The following MGAT4C variants were observed in gnomAD, a reference collection of about 807,000 sequenced individuals.
MGAT4C encodes the protein MGAT4 family member C.
A neutral mutation model predicts 40.1 loss-of-function variants in MGAT4C; 19 were observed. That is an observed-to-expected ratio of 0.47 (90% confidence interval 0.33 to 0.70). The LOEUF (loss-of-function observed/expected upper bound fraction) is 0.70. Ranked by LOEUF, MGAT4C falls within the 30% of genes least tolerant of loss-of-function variation. MGAT4C has a pLI of 0.02. For synonymous variants in MGAT4C, 181 were observed against 187.1 expected (o/e 0.97, Z 0.27); for missense variants, 491 against 563.2 (o/e 0.87, Z 1.30).
At chr12:86,584,150 T>C (rs1014085285) in intron 2 of MGAT4C, among the ~76,000 whole-genome samples, 11 of 150,880 alleles carry the variant, frequency 7.3e-5, no homozygotes, top group Admixed American at 2.0e-4. Context: ...TATCCACATA[T>C]ACATTGAGTG....
chr12:86,106,755 G>C (rs1876255166), intron 1 of MGAT4C, among the ~76,000 whole-genome samples: 1 of 151,716 alleles, frequency 6.6e-6, no homozygotes, highest in African/African-American at 2.4e-5. Flanking sequence ...CAAATTTACT[G>C]TCATTTCAAT....
chr12:86,723,315 T>C (rs1421780663), intron 2 of MGAT4C, among the ~76,000 whole-genome samples: 1 of 152,150 alleles, frequency 6.6e-6, no homozygotes, highest in Non-Finnish European at 1.5e-5. Context: ...AGATAATGTG[T>C]TAGTTTTCTA....
At chr12:86,182,535 C>T (rs1888241487) in intron 1 of MGAT4C, among the ~76,000 whole-genome samples, 2 of 152,108 alleles carry the variant, frequency 1.3e-5, no homozygotes, top group Admixed American at 6.6e-5. Context: ...CTTCTTCCCT[C>T]TCCCTTCCTA....
chr12:86,417,231 T>C lies in MGAT4C; in HGVS notation c.-120+17926A>G, dbSNP rs928440996. On this transcript the variant is annotated intron_variant, in intron 3 of 7. Transcript: ENST00000548651. Reference sequence around the variant, plus strand: ...TATAGATAAGTGGATTGAACAATTGTTTGCACATTCCTATCTTAAAATATT... The same window carrying C: ...TATAGATAAGTGGATTGAACAATTGCTTGCACATTCCTATCTTAAAATATT... Among the ~76,000 whole-genome samples the C allele has an allele frequency of 1.6e-4, 25 of 152,210 alleles. 1 individual carries two copies. The highest frequency in any genetic ancestry group is 4.6e-4 in the Admixed American group (7 of 15,276).
intron 2 of MGAT4C, among the ~76,000 whole-genome samples, chr12:86,678,001 T>C (rs1358130670): frequency 6.8e-6 from 1 of 147,380 alleles, no homozygotes; most frequent in African/African-American, 2.7e-5. Flanking sequence ...TCCAGTCCCA[T>C]GGCTTAAACA....
intron 1 of MGAT4C, among the ~76,000 whole-genome samples, chr12:86,116,222 G>A (rs56090102): frequency 0.075 from 11,415 of 151,932 alleles, 587 homozygotes; most frequent in Middle Eastern, 0.22. Context: ...TTCTCGATGG[G>A]AAGCAAGCAT....
chr12:86,424,155 G>A (rs1368643805), intron 3 of MGAT4C, among the ~76,000 whole-genome samples: 1 of 152,164 alleles, frequency 6.6e-6, no homozygotes, highest in East Asian at 1.9e-4. Flanking sequence ...AAAATTAGAA[G>A]CATTGTGTTT....
At chr12:86,480,762 G>A (rs1374727807) in intron 2 of MGAT4C, among the ~76,000 whole-genome samples, 2 of 151,692 alleles carry the variant, frequency 1.3e-5, no homozygotes, top group African/African-American at 4.8e-5. Context: ...CAACTTTGCT[G>A]CAATTAACAC....
At chr12:86,031,737 A>G (rs1890772594) in intron 2 of MGAT4C, among the ~76,000 whole-genome samples, 1 of 151,808 alleles carries the variant, frequency 6.6e-6, no homozygotes, top group African/African-American at 2.4e-5. Flanking sequence ...TTTTTACTTT[A>G]TTCAATTTTA....
chr12:86,334,905 G>T (rs1954749428), intron 3 of MGAT4C, among the ~76,000 whole-genome samples: 1 of 151,984 alleles, frequency 6.6e-6, no homozygotes, highest in Non-Finnish European at 1.5e-5. Context: ...AACTCTACCT[G>T]TGAACCTCCA....
intron 3 of MGAT4C, among the ~76,000 whole-genome samples, chr12:86,360,559 G>T (rs995297965): frequency 2.0e-5 from 3 of 152,170 alleles, no homozygotes; most frequent in African/African-American, 7.2e-5. Context: ...CCTGTTTGCA[G>T]ATTACATGAT....
chr12:86,827,386 C>G (rs980745514), intron 1 of MGAT4C, among the ~76,000 whole-genome samples: 1 of 151,396 alleles, frequency 6.6e-6, no homozygotes, highest in Admixed American at 6.6e-5. Flanking sequence ...TTTACACTTT[C>G]CTGAATATTT....
intron 3 of MGAT4C, among the ~76,000 whole-genome samples, chr12:86,406,773 G>C (rs988539373): frequency 2.0e-5 from 3 of 151,972 alleles, no homozygotes; most frequent in African/African-American, 7.2e-5. Context: ...TGTAAAGGAT[G>C]AGATAAACTT....
In MGAT4C at chr12:86,826,199, T is replaced by C. The variant is rs1001132815; in HGVS notation, c.-262+12467A>G. ...TGTTTTGCCCTGCCTAATTTGCACA[T>C]AAGCCATTCATCGCTATCGACTTCC... is the stretch of plus-strand genomic sequence containing the variant. On this transcript the variant is annotated intron_variant, in intron 1 of 7. Coordinates refer to the MGAT4C transcript ENST00000548651. Among the ~76,000 whole-genome samples, 18 of 151,492 alleles carry C rather than the reference T, an allele frequency of 1.2e-4. 1 individual carries two copies. Among genetic ancestry groups the C allele is most frequent in the Admixed American group, 1.1e-3 (16 of 15,128 alleles).
At chr12:86,512,038 A>G in intron 2 of MGAT4C, among the ~76,000 whole-genome samples, 1 of 152,144 alleles carries the variant, frequency 6.6e-6, no homozygotes, top group East Asian at 1.9e-4. Context: ...AAAACCTACA[A>G]TGCAATCGCA....
At chr12:86,235,792 A>G (rs1438211170) in intron 1 of MGAT4C, among the ~76,000 whole-genome samples, 2 of 152,166 alleles carry the variant, frequency 1.3e-5, no homozygotes, top group African/African-American at 4.8e-5. Context: ...CCTTCATTAA[A>G]GCGTGATTCT....
At chr12:86,291,084 G>A (rs932246846) in intron 4 of MGAT4C, among the ~76,000 whole-genome samples, 1 of 152,140 alleles carries the variant, frequency 6.6e-6, no homozygotes, top group African/African-American at 2.4e-5. Context: ...AAGCTTGATG[G>A]TCACAAGCTT....
chr12:86,315,420 A>C (rs529532408), intron 4 of MGAT4C, among the ~76,000 whole-genome samples: 1 of 152,234 alleles, frequency 6.6e-6, no homozygotes, highest in South Asian at 2.1e-4. Flanking sequence ...TCCTAGAAGA[A>C]GGCCGGGCGC....
At chr12:86,301,543 C>T (rs1443800861) in intron 4 of MGAT4C, among the ~76,000 whole-genome samples, 1 of 152,266 alleles carries the variant, frequency 6.6e-6, no homozygotes, top group East Asian at 1.9e-4. Flanking sequence ...GTTCTTCTCA[C>T]CAAATCAATG....
Sources: gnomAD v4.1 joint callset for allele counts (sites outside exome capture counted in the v4.1 genomes callset) on GRCh38, gnomAD v4.1.1 for gene constraint, MANE v1.5 for transcripts, NCBI Gene and HGNC (gene_info 2026-07-23, HGNC 2026-07-21) for gene names.